NEK1: variants seen among roughly 807,000 people sequenced by gnomAD.
The protein encoded by NEK1 is NIMA related kinase 1.
In NEK1, 137 loss-of-function variants were observed where a neutral mutation model predicts 182.1. The observed-to-expected ratio is 0.75, with a 90% CI of 0.65 to 0.87. NEK1 has a LOEUF of 0.87. Among genes scored for constraint, NEK1 ranks in the 40% least tolerant of loss-of-function variants. The probability of loss-of-function intolerance (pLI) is 0.00; values close to 1 mark genes in which losing one functional copy is unlikely to be tolerated. For missense variants in NEK1, 1,391 were observed against 1,494.4 expected, an observed-to-expected ratio of 0.93 and a Z score of 1.14; for synonymous variants, 513 against 492.2, an observed-to-expected ratio of 1.04 and a Z score of -0.56.
At chr4:169,569,753 C>G (rs964351341) in intron 12 of NEK1, among the ~76,000 whole-genome samples, 7 of 150,922 alleles carry the variant, frequency 4.6e-5, no homozygotes, top group Non-Finnish European at 8.9e-5. Flanking sequence ...CTCGGCCTCC[C>G]GAGGTGCCGG....
chr4:169,456,029 T>G (rs936734457), intron 27 of NEK1, among the ~76,000 whole-genome samples: 1 of 151,958 alleles, frequency 6.6e-6, no homozygotes, highest in Non-Finnish European at 1.5e-5. Flanking sequence ...CTGACCACAA[T>G]GGAAGAAAAC....
chr4:169,424,508 A>G lies in NEK1; in HGVS notation c.3222+45T>C. 4 of 1,513,456 alleles carry G rather than the reference A, an allele frequency of 2.6e-6. No individual in the cohort carries two copies. The South Asian group carries it at 4.2e-5, about 16-fold the overall frequency. 93.8% of individuals were successfully genotyped at this position (1,513,456 alleles called of 1,614,324 possible). A position where few individuals can be genotyped will look rare whatever the true frequency, so the allele number is the denominator to read the frequency against. On this transcript the variant is annotated intron_variant, in intron 31 of 35. Transcript: ENST00000507142. ...GTTTATAAAAGAAAAACAATAATAC[A>G]TGTTATCGAATGGATAATATTTTCC...
At chr4:169,564,052 C>T (rs758178110) in intron 12 of NEK1, among the ~76,000 whole-genome samples, 1 of 151,936 alleles carries the variant, frequency 6.6e-6, no homozygotes, top group African/African-American at 2.4e-5. Flanking sequence ...TTTTGTTTTA[C>T]CCTGTGTTAA....
chr4:169,522,813 T>A (rs1450384085), intron 19 of NEK1, among the ~76,000 whole-genome samples: 1 of 152,208 alleles, frequency 6.6e-6, no homozygotes, highest in Non-Finnish European at 1.5e-5. Flanking sequence ...TGAGGTTCCC[T>A]ATCTTTGTTG....
intron 27 of NEK1, among the ~76,000 whole-genome samples, chr4:169,459,009 A>C (rs1743440885): frequency 6.6e-6 from 1 of 152,018 alleles, no homozygotes; most frequent in Admixed American, 6.6e-5. Context: ...CGGATTAGAG[A>C]TACTCAACTG....
At chr4:169,443,779 G>A (rs908208880) in intron 27 of NEK1, among the ~76,000 whole-genome samples, 5 of 151,996 alleles carry the variant, frequency 3.3e-5, no homozygotes, top group African/African-American at 4.8e-5. Context: ...AAAGAAAAGA[G>A]CATCAAATTA....
At position 169,561,203 on chromosome 4, in the gene NEK1, C is replaced by T. The variant is rs28446375; in HGVS notation, c.1266+277G>A. ...TTAGGCTGCAGTGTCATGAATTGTA[C>T]ATAATTTTTAAAAATTCCTGACAGG... On this transcript the variant is annotated intron_variant, in intron 16 of 35. Coordinates refer to ENST00000507142, the MANE Select transcript of NEK1 (RefSeq NM_001199397.3). 0.089 allele frequency among the ~76,000 whole-genome samples: 13,509 copies of T among 152,092 alleles called. 784 individuals are homozygous for T. Among genetic ancestry groups the T allele is most frequent in the African/African-American group, 0.16 (6,746 of 41,452 alleles).
rs758677637 is a variant in NEK1, at chr4:169,537,856, G to A, written c.1618C>T (p.Arg540Ter). 6.8e-6 allele frequency: 11 copies of A among 1,611,296 alleles called. No homozygotes were observed. Among genetic ancestry groups the A allele is most frequent in the African/African-American group, 2.7e-5 (2 of 74,896 alleles). The change falls in exon 19 of 36, where the codon CGA (arginine) becomes TGA (stop). Residue 540 changes from arginine (R) to a stop codon, truncating the protein, a stop_gained. Transcript: ENST00000507142. LOFTEE classifies it high-confidence loss of function. ...RAKQVEEFLQ[R>*]KREAMQNKAR... ...TTATTCTGCATAGCTTCCCGTTTTC[G>A]CTGCAGGAACTCTTCTACTTGTTTA...
At chr4:169,560,545 A>G (rs1053348721) in intron 16 of NEK1, among the ~76,000 whole-genome samples, 1 of 152,126 alleles carries the variant, frequency 6.6e-6, no homozygotes, top group South Asian at 2.1e-4. Flanking sequence ...GCTATACTAC[A>G]GTATTTACAG....
chr4:169,400,416 TCA>T (rs369133748), intron 34 of NEK1, 59 bp from the exon 35 acceptor site: 1 of 1,439,984 alleles, frequency 6.9e-7, no homozygotes, highest in Non-Finnish European at 9.2e-7. Flanking sequence ...ATTGCAGACT[TCA>T]CTTTTTATTT....
chr4:169,594,157 G>A (rs562546902), intron 5 of NEK1, among the ~76,000 whole-genome samples: 4 of 152,090 alleles, frequency 2.6e-5, no homozygotes, highest in African/African-American at 4.8e-5. Context: ...GAACCATACA[G>A]TAATTATCAT....
Position 169,431,529 on chromosome 4 carries a change from T to TAGAAC in NEK1, c.2885+2015_2885+2016insGTTCT, listed in dbSNP as rs1737435479. Reference sequence around the variant, plus strand: ...TACTAGCTTACTGTAGACAGACTAATAGGAAAAAATGTATACAAACAGACT... The same window carrying TAGAAC: ...TACTAGCTTACTGTAGACAGACTAATAGAACAGGAAAAAATGTATACAAACAGACT... On this transcript the variant is annotated intron_variant, in intron 29 of 35. Coordinates refer to ENST00000507142, the MANE Select transcript of NEK1 (RefSeq NM_001199397.3). Among the ~76,000 whole-genome samples, 4 of 151,484 alleles carry TAGAAC rather than the reference T, an allele frequency of 2.6e-5. No individual in the cohort carries two copies. The East Asian group carries it at 5.8e-4, about 22-fold the overall frequency.
At chr4:169,499,343 T>C (rs994810696) in intron 23 of NEK1, among the ~76,000 whole-genome samples, 1 of 152,178 alleles carries the variant, frequency 6.6e-6, no homozygotes, top group South Asian at 2.1e-4. Context: ...TGCCATGGGT[T>C]CGAACTTCCT....
chr4:169,433,626 C>A lies in NEK1; in HGVS notation c.2804G>T (p.Ser935Ile). The A allele has an allele frequency of 6.2e-7, 1 of 1,613,434 alleles. No homozygotes were observed. The highest frequency in any genetic ancestry group is 8.5e-7 in the Non-Finnish European group (1 of 1,179,570). Residue 935 changes from serine (S) to isoleucine (I), a missense_variant, in exon 29 of 36, where the codon AGT (serine) becomes ATT (isoleucine). Physicochemically the swap from Ser to Ile is moderately radical, Grantham distance 142. Coordinates refer to ENST00000507142, the MANE Select transcript of NEK1 (RefSeq NM_001199397.3). ...DLETEILQEP[S>I]GTNKDESLPC... Reference sequence around the variant, plus strand: ...CAAGCTCTCATCTTTGTTTGTTCCACTTGGCTCTTGTAGAATTTCTGTTTC... The same window carrying A: ...CAAGCTCTCATCTTTGTTTGTTCCAATTGGCTCTTGTAGAATTTCTGTTTC...
At chr4:169,409,359 T>C (rs972890583) in intron 31 of NEK1, among the ~76,000 whole-genome samples, 1 of 152,044 alleles carries the variant, frequency 6.6e-6, no homozygotes, top group African/African-American at 2.4e-5. Context: ...TTAGCCAGGA[T>C]GGTCTCGATC....
chr4:169,466,330 A>C (rs181073686), intron 26 of NEK1, among the ~76,000 whole-genome samples: 22 of 152,190 alleles, frequency 1.4e-4, no homozygotes, highest in African/African-American at 5.3e-4. Context: ...AACCCAAGCA[A>C]AAGAAACATG....
At chr4:169,571,311 G>C (rs953277784) in intron 12 of NEK1, among the ~76,000 whole-genome samples, 1 of 152,142 alleles carries the variant, frequency 6.6e-6, no homozygotes, top group Non-Finnish European at 1.5e-5. Context: ...CTTGAGGCCA[G>C]GAACTATTTG....
At chr4:169,405,630 A>G (rs1433955944) in intron 32 of NEK1, among the ~76,000 whole-genome samples, 2 of 152,056 alleles carry the variant, frequency 1.3e-5, no homozygotes, top group African/African-American at 4.8e-5. Flanking sequence ...AGTGCACTCC[A>G]GCTTATTTAT....
At chr4:169,492,498 T>C (rs2149613564) in intron 23 of NEK1, among the ~76,000 whole-genome samples, 1 of 152,260 alleles carries the variant, frequency 6.6e-6, no homozygotes, top group South Asian at 2.1e-4. Context: ...GCTAAACAGC[T>C]GGGGAGCCCC....
Sources: allele counts gnomAD v4.1 joint callset (sites outside exome capture counted in the v4.1 genomes callset), GRCh38; gene constraint gnomAD v4.1.1; transcripts MANE v1.5; gene names NCBI Gene and HGNC (gene_info 2026-07-23, HGNC 2026-07-21).